Variants in UMAD1 observed in about 807,000 individuals in gnomAD.
UMAD1 encodes UBAP1-MVB12-associated (UMA) domain containing 1.
UMAD1 carries 8 observed loss-of-function variants against 6.1 expected under a neutral mutation model. The ratio of observed to expected loss-of-function variants is 1.30; its 90% CI spans 0.76 to 2.35. The LOEUF (loss-of-function observed/expected upper bound fraction) is 2.35. UMAD1 is among the 30% of genes most tolerant of loss of function. The pLI, the probability that UMAD1 is intolerant of heterozygous loss-of-function variation, is 0.00. For missense variants in UMAD1, 130 were observed against 78.4 expected, an observed-to-expected ratio of 1.66 and a Z score of -2.49; for synonymous variants, 56 against 31.4, an observed-to-expected ratio of 1.78 and a Z score of -2.61.
intron 2 of UMAD1, among the ~76,000 whole-genome samples, chr7:7,741,737 A>G (rs1439230604): frequency 6.6e-6 from 1 of 151,888 alleles, no homozygotes; most frequent in East Asian, 1.9e-4. Flanking sequence ...ATTTGCTAAA[A>G]ACAACTGTAG....
intron 2 of UMAD1, among the ~76,000 whole-genome samples, chr7:7,759,800 A>C (rs1359436345): frequency 6.6e-6 from 1 of 152,142 alleles, no homozygotes; most frequent in Non-Finnish European, 1.5e-5. Context: ...GAGGGGAAAA[A>C]GTATAAGACC....
intron 1 of UMAD1, among the ~76,000 whole-genome samples, chr7:7,642,123 A>C (rs1784987326): frequency 6.6e-6 from 1 of 152,104 alleles, no homozygotes; most frequent in Non-Finnish European, 1.5e-5. Flanking sequence ...GAGAGTACAC[A>C]CATCAATGTC....
intron 2 of UMAD1, among the ~76,000 whole-genome samples, chr7:7,778,771 GT>G (rs778812016): frequency 4.6e-5 from 7 of 152,132 alleles, no homozygotes; most frequent in African/African-American, 9.7e-5. Context: ...ATTATTTATT[GT>G]GAATTAGGGG....
chr7:7,782,128 C>T (rs1782357371), intron 2 of UMAD1, among the ~76,000 whole-genome samples: 1 of 151,946 alleles, frequency 6.6e-6, no homozygotes. Context: ...TTTTTAAAAA[C>T]TTCTCTTTTT....
intron 3 of UMAD1, among the ~76,000 whole-genome samples, chr7:7,815,840 G>A (rs1294216120): frequency 6.6e-6 from 1 of 152,230 alleles, no homozygotes; most frequent in East Asian, 1.9e-4. Context: ...TGAATATTGG[G>A]TAGGCTACAA....
chr7:7,873,538 T>C (rs62434519), intron 3 of UMAD1, among the ~76,000 whole-genome samples: 32,680 of 152,140 alleles, frequency 0.21, 3,853 homozygotes, highest in African/African-American at 0.26. Context: ...TTTATCATAA[T>C]AGAGTATGAT....
intron 2 of UMAD1, among the ~76,000 whole-genome samples, chr7:7,781,892 T>C (rs971611180): frequency 2.6e-5 from 4 of 152,040 alleles, no homozygotes; most frequent in African/African-American, 9.7e-5. Flanking sequence ...AATAGAAATG[T>C]AGAATTCTGA....
chr7:7,796,244 C>CTT (rs59221325), intron 2 of UMAD1, among the ~76,000 whole-genome samples: 6,109 of 63,742 alleles, frequency 0.096, 439 homozygotes, highest in East Asian at 0.15. Flanking sequence ...TATTTTCTTT[C>CTT]TTTTTTTTTT....
At chr7:7,683,412 T>A (rs1394960848) in intron 2 of UMAD1, among the ~76,000 whole-genome samples, 1 of 152,174 alleles carries the variant, frequency 6.6e-6, no homozygotes, top group Non-Finnish European at 1.5e-5. Context: ...CTCTAATAAT[T>A]GTATGTCATC....
chr7:7,740,785 A>G (rs908143244), intron 2 of UMAD1: 3 of 152,196 alleles, frequency 2.0e-5, no homozygotes, highest in African/African-American at 7.2e-5. Flanking sequence ...ATTGAAGACA[A>G]TTTGAAAACT....
intron 1 of UMAD1, among the ~76,000 whole-genome samples, chr7:7,670,462 A>G (rs1779578071): frequency 6.6e-6 from 1 of 152,186 alleles, no homozygotes; most frequent in South Asian, 2.1e-4. Flanking sequence ...CTGTCCTATT[A>G]TGTCTCCATA....
intron 3 of UMAD1, among the ~76,000 whole-genome samples, chr7:7,851,088 A>G (rs985154679): frequency 6.6e-6 from 1 of 152,200 alleles, no homozygotes; most frequent in Admixed American, 6.5e-5. Context: ...AAATTTTCAC[A>G]ACTAATCTAT....
At chr7:7,644,568 A>C (rs1785054061) in intron 1 of UMAD1, among the ~76,000 whole-genome samples, 1 of 152,170 alleles carries the variant, frequency 6.6e-6, no homozygotes, top group Non-Finnish European at 1.5e-5. Context: ...GTATGTTGTC[A>C]GATAAGTCTC....
At position 7,789,022 on chromosome 7, in the gene UMAD1, G is replaced by T. The variant is rs188615832; in HGVS notation, c.83-12648G>T. On this transcript the variant is annotated intron_variant, in intron 2 of 3. Transcript: ENST00000682710. ...GTAACTAGCAGTTTACATTTTTTTA[G>T]AGTCAAGCATATTGATATGCAGTAT... Among the ~76,000 whole-genome samples, 3 of 151,940 alleles carry T rather than the reference G, an allele frequency of 2.0e-5. No individual in the cohort carries two copies. The East Asian group carries it at 5.8e-4, about 29-fold the overall frequency.
chr7:7,672,634 A>T (rs185318909), intron 1 of UMAD1, among the ~76,000 whole-genome samples: 3 of 152,244 alleles, frequency 2.0e-5, no homozygotes, highest in African/African-American at 7.2e-5. Context: ...TGATGGTTTT[A>T]TAAGGGGCTT....
Position 7,831,924 on chromosome 7 carries a change from CA to C in UMAD1, c.156+30183del, listed in dbSNP as rs1783474782. On this transcript the variant is annotated intron_variant, in intron 3 of 3. Coordinates refer to ENST00000682710, the MANE Select transcript of UMAD1 (RefSeq NM_001302348.2). ...CTTTCTTTGTGGCCAGATGTGGATA[CA>C]ATTAACCCTTTACCCTTTATTTTGA... Among the ~76,000 whole-genome samples the C allele has an allele frequency of 2.6e-5, 4 of 152,206 alleles. No individual in the cohort carries two copies. In the South Asian group the frequency reaches 8.3e-4, roughly 32 times the overall value.
At chr7:7,711,653 C>T (rs1222136451) in intron 2 of UMAD1, among the ~76,000 whole-genome samples, 6 of 151,930 alleles carry the variant, frequency 3.9e-5, no homozygotes, top group African/African-American at 1.4e-4. Flanking sequence ...TTTTTTTGCT[C>T]AGTAAAATCA....
chr7:7,719,332 A>G (rs892920739), intron 2 of UMAD1, among the ~76,000 whole-genome samples: 3 of 152,226 alleles, frequency 2.0e-5, no homozygotes, highest in African/African-American at 7.2e-5. Flanking sequence ...GAGCAATATA[A>G]TTAGGGTAAG....
chr7:7,657,909 G>A (rs1205358667), intron 1 of UMAD1, among the ~76,000 whole-genome samples: 2 of 152,108 alleles, frequency 1.3e-5, no homozygotes, highest in Non-Finnish European at 2.9e-5. Context: ...GGGCAGTATG[G>A]CCATTTTCAT....
Sources: allele counts gnomAD v4.1 joint callset (sites outside exome capture counted in the v4.1 genomes callset), GRCh38; gene constraint gnomAD v4.1.1; transcripts MANE v1.5; gene names NCBI Gene and HGNC (gene_info 2026-07-23, HGNC 2026-07-21).